The following TCF4 variants were observed in gnomAD, a reference collection of about 807,000 sequenced individuals.
The protein encoded by TCF4 is transcription factor 4.
A neutral mutation model predicts 82.1 loss-of-function variants in TCF4; 3 were observed. The observed-to-expected ratio is 0.04, with a 90% confidence interval of 0.02 to 0.09. The LOEUF (loss-of-function observed/expected upper bound fraction) is 0.09. Ranked by LOEUF, TCF4 falls within the 10% of genes least tolerant of loss-of-function variation. TCF4 has a pLI of 1.00. For synonymous variants in TCF4, 276 were observed against 309.6 expected (o/e 0.89, Z 1.14); for missense variants, 518 against 852.7 (o/e 0.61, Z 4.89).
At chr18:55,375,625 A>G (rs2090538811) in intron 6 of TCF4, among the ~76,000 whole-genome samples, 1 of 152,202 alleles carries the variant, frequency 6.6e-6, no homozygotes, top group Non-Finnish European at 1.5e-5. Flanking sequence ...TTCCTAAAAA[A>G]TCTTAAACAA....
intron 17 of TCF4, 89 bp from the exon 18 acceptor site, chr18:55,229,165 G>C (rs570063967): frequency 6.7e-7 from 1 of 1,491,084 alleles, no homozygotes; most frequent in African/African-American, 1.4e-5. Flanking sequence ...GAGTTTTCAG[G>C]GAACTTTTCC....
rs2146490420 is a variant in TCF4 at position 55,403,462 on chromosome 18, A to C, written c.361T>G (p.Cys121Gly). 5 of 1,613,866 alleles carry C rather than the reference A, an allele frequency of 3.1e-6. No homozygotes were observed. Among genetic ancestry groups the C allele is most frequent in the Non-Finnish European group, 4.2e-6 (5 of 1,179,808 alleles). ...SYGRESNLQG[C>G]HQQSLLGGDM... ...CAGAGATTCTCACTTACCTGGTGGC[A>C]ACCCTGTAAGTTTGATTCTCTCCCA... The change falls in exon 6 of 20, where the codon TGC becomes GGC. Residue 121 changes from cysteine to glycine, a missense_variant. Coordinates refer to ENST00000354452, the MANE Select transcript of TCF4 (RefSeq NM_001083962.2).
In TCF4 at chr18:55,331,989, A is replaced by G. The variant is rs528508138; in HGVS notation, c.549+18370T>C. The G allele has an allele frequency of 2.0e-5, 3 of 152,364 alleles. No homozygotes were observed. The South Asian group carries it at 6.2e-4, about 32-fold the overall frequency. 9.4% of individuals were successfully genotyped at this position (152,364 alleles called of 1,614,324 possible). A position where few individuals can be genotyped will look rare whatever the true frequency, so the allele number is the denominator to read the frequency against. ...ATAATGCCAACAACATGCTAAAGGCATAAAGATGGACACATCTATTGTCAC... is the reference window on the plus strand; with the variant it reads ...ATAATGCCAACAACATGCTAAAGGCGTAAAGATGGACACATCTATTGTCAC... On this transcript the variant is annotated intron_variant, in intron 8 of 19. Transcript: ENST00000354452.
intron 6 of TCF4, among the ~76,000 whole-genome samples, chr18:55,388,118 A>G (rs1296594480): frequency 6.6e-6 from 1 of 152,226 alleles, no homozygotes; most frequent in Non-Finnish European, 1.5e-5. Context: ...GTCCACTGTC[A>G]TTCATTTTTT....
intron 3 of TCF4, among the ~76,000 whole-genome samples, chr18:55,487,182 T>A (rs1406930170): frequency 6.6e-6 from 1 of 152,190 alleles, no homozygotes; most frequent in Non-Finnish European, 1.5e-5. Context: ...ACCTAATATA[T>A]CCCTGGCTGT....
chr18:55,365,266 T>TATAC lies in TCF4; in HGVS notation c.370-14264_370-14263insGTAT, dbSNP rs1555950263. 1.0e-4 allele frequency among the ~76,000 whole-genome samples: 14 copies of TATAC among 138,834 alleles called. 1 individual carries two copies. In the South Asian group the frequency reaches 1.8e-3, roughly 18 times the overall value. The allele number at this position is 138,834 out of a possible 152,430, so 91.1% of individuals were successfully genotyped here. A position where few individuals can be genotyped will look rare whatever the true frequency, so the allele number is the denominator to read the frequency against. ...ATGTGTGTGTATATATATATATATA[T>TATAC]ACACACACACACACATATATATATG... On this transcript the variant is annotated intron_variant, in intron 6 of 19. Coordinates refer to ENST00000354452, the MANE Select transcript of TCF4 (RefSeq NM_001083962.2).
chr18:55,432,461 T>C (rs2095232238), intron 5 of TCF4, among the ~76,000 whole-genome samples: 1 of 152,212 alleles, frequency 6.6e-6, no homozygotes, highest in Admixed American at 6.5e-5. Flanking sequence ...CTGGGCACTT[T>C]ACCCTATACA....
At chr18:55,347,422 G>A (rs2144665786) in intron 8 of TCF4, among the ~76,000 whole-genome samples, 1 of 152,108 alleles carries the variant, frequency 6.6e-6, no homozygotes, top group East Asian at 1.9e-4. Flanking sequence ...TGCTTGTCCT[G>A]TAGACCCTGC....
At chr18:55,351,968 TA>T in intron 6 of TCF4, 1 of 766,162 alleles carries the variant, frequency 1.3e-6, no homozygotes. Context: ...TCGTTACTTG[TA>T]ATCAACTTTT....
chr18:55,586,973 T>C, intron 2 of TCF4, 72 bp downstream of exon 2: 2 of 1,343,426 alleles, frequency 1.5e-6, no homozygotes, highest in Non-Finnish European at 2.1e-6. Flanking sequence ...CCTACTGGTT[T>C]CTAGCTGAAG....
intron 2 of TCF4, among the ~76,000 whole-genome samples, chr18:55,597,257 T>G (rs2097691945): frequency 6.6e-6 from 1 of 152,190 alleles, no homozygotes; most frequent in Non-Finnish European, 1.5e-5. Flanking sequence ...TGGCCCTCAT[T>G]GCTTTGCTAG....
At chr18:55,384,525 G>T (rs969916543) in intron 6 of TCF4, among the ~76,000 whole-genome samples, 3 of 152,150 alleles carry the variant, frequency 2.0e-5, no homozygotes, top group South Asian at 4.1e-4. Context: ...CATAGGGAAA[G>T]AAATCCCTGC....
chr18:55,589,520 A>C, upstream of TCF4: 1 of 1,052,194 alleles, frequency 9.5e-7, no homozygotes, highest in Non-Finnish European at 1.1e-6. Context: ...TCCCTCCCCC[A>C]AAAAAGAAAT....
intron 5 of TCF4, among the ~76,000 whole-genome samples, chr18:55,455,200 A>AAAAAAAAAAAAAAAAAAG: frequency 6.9e-6 from 1 of 144,970 alleles, no homozygotes; most frequent in Non-Finnish European, 1.5e-5. Context: ...AAAAAAAAAA[A>AAAAAAAAAAAAAAAAAAG]AAAGAAAAGA....
At chr18:55,396,082 G>A (rs2093471148) in intron 6 of TCF4, among the ~76,000 whole-genome samples, 1 of 152,130 alleles carries the variant, frequency 6.6e-6, no homozygotes, top group Non-Finnish European at 1.5e-5. Context: ...AGATCCCCCA[G>A]TGGGCCTGGA....
chr18:55,425,172 T>C (rs934937041), intron 5 of TCF4, among the ~76,000 whole-genome samples: 2 of 152,192 alleles, frequency 1.3e-5, no homozygotes, highest in African/African-American at 4.8e-5. Context: ...CAGGCTAAGT[T>C]GGGTGAGAAA....
chr18:55,546,993 AG>A (rs2097212787), intron 3 of TCF4: 1 of 152,280 alleles, frequency 6.6e-6, no homozygotes, highest in East Asian at 1.9e-4. Context: ...GTGTGGGCTG[AG>A]GAAGAGTTGA....
chr18:55,260,457 CT>C (rs1159839242), intron 12 of TCF4, among the ~76,000 whole-genome samples: 1 of 152,184 alleles, frequency 6.6e-6, no homozygotes, highest in African/African-American at 2.4e-5. Context: ...GAAACAAAAA[CT>C]TTTACTTAGG....
At chr18:55,327,407 A>G (rs2076745059) in intron 8 of TCF4, among the ~76,000 whole-genome samples, 1 of 152,174 alleles carries the variant, frequency 6.6e-6, no homozygotes, top group African/African-American at 2.4e-5. Flanking sequence ...AACTATTTAC[A>G]TGGTTCAAAT....
Sources: allele counts gnomAD v4.1 joint callset (sites outside exome capture counted in the v4.1 genomes callset), GRCh38; gene constraint gnomAD v4.1.1; transcripts MANE v1.5; gene names NCBI Gene and HGNC (gene_info 2026-07-23, HGNC 2026-07-21).